NRG1: variants seen among roughly 807,000 people sequenced by gnomAD.
NRG1 encodes pro-neuregulin-1, membrane-bound isoform.
A neutral mutation model predicts 63.8 loss-of-function variants in NRG1; 18 were observed. That is an observed-to-expected ratio of 0.28 (90% confidence interval 0.19 to 0.42). The LOEUF is 0.42. NRG1 is among the 10% of genes least tolerant of loss of function. NRG1 has a pLI of 1.00. For missense variants in NRG1, 762 were observed against 814.7 expected (o/e 0.94, Z 0.79); for synonymous variants, 302 against 301.3 (o/e 1.00, Z -0.02).
chr8:32,385,316 C>T (rs1810873528), intron 1 of NRG1, among the ~76,000 whole-genome samples: 3 of 152,104 alleles, frequency 2.0e-5, no homozygotes, highest in South Asian at 2.1e-4. Flanking sequence ...TGAGCCACCG[C>T]GCCTGGCTGG....
intron 1 of NRG1, among the ~76,000 whole-genome samples, chr8:32,330,537 C>G (rs1802522352): frequency 6.6e-6 from 1 of 152,190 alleles, no homozygotes; most frequent in African/African-American, 2.4e-5. Context: ...CAGATCCTAC[C>G]AGCTCTAGAG....
intron 1 of NRG1, among the ~76,000 whole-genome samples, chr8:32,191,110 A>G (rs1842453654): frequency 6.7e-6 from 1 of 148,844 alleles, no homozygotes; most frequent in South Asian, 2.1e-4. Flanking sequence ...TTTGAGTTGG[A>G]GTCTCACTCT....
intron 1 of NRG1, among the ~76,000 whole-genome samples, chr8:32,225,146 G>A (rs1452582876): frequency 6.6e-6 from 1 of 152,140 alleles, no homozygotes; most frequent in Non-Finnish European, 1.5e-5. Context: ...CATCAACCAC[G>A]AAGTCTTTTT....
chr8:32,029,991 T>C (rs951108791), intron 1 of NRG1, among the ~76,000 whole-genome samples: 2 of 152,194 alleles, frequency 1.3e-5, no homozygotes, highest in African/African-American at 2.4e-5. Context: ...TCTCTTTATA[T>C]TCATTATAAC....
intron 1 of NRG1, among the ~76,000 whole-genome samples, chr8:32,593,049 A>G (rs539168129): frequency 2.6e-5 from 4 of 152,310 alleles, no homozygotes; most frequent in Admixed American, 2.0e-4. Flanking sequence ...GTGAAAGTGG[A>G]TCATTATAAA....
chr8:31,728,994 G>C (rs890831765), intron 1 of NRG1, among the ~76,000 whole-genome samples: 2 of 152,164 alleles, frequency 1.3e-5, no homozygotes, highest in African/African-American at 2.4e-5. Context: ...AGGGTCATCT[G>C]GTTCTGGGCT....
chr8:32,620,285 G>A (rs540053222), intron 5 of NRG1, among the ~76,000 whole-genome samples: 8 of 152,142 alleles, frequency 5.3e-5, no homozygotes, highest in African/African-American at 7.2e-5. Flanking sequence ...TGCCTGTACC[G>A]GCTACATTCT....
At chr8:32,226,925 A>G (rs1398164512) in intron 1 of NRG1, among the ~76,000 whole-genome samples, 1 of 152,198 alleles carries the variant, frequency 6.6e-6, no homozygotes. Flanking sequence ...ATCACAGTAT[A>G]GAGATAGAAT....
intron 1 of NRG1, among the ~76,000 whole-genome samples, chr8:31,985,075 TAAAC>T (rs1297303426): frequency 6.6e-6 from 1 of 152,200 alleles, no homozygotes. Context: ...AGAGAAGAAA[TAAAC>T]AATTATTAAT....
At chr8:32,492,121 A>T (rs1826657083) in intron 1 of NRG1, among the ~76,000 whole-genome samples, 1 of 152,172 alleles carries the variant, frequency 6.6e-6, no homozygotes, top group Non-Finnish European at 1.5e-5. Context: ...TACATTAAGA[A>T]AAAAAGAAAA....
chr8:31,643,782 A>G (rs189912526), intron 1 of NRG1, among the ~76,000 whole-genome samples: 88 of 152,328 alleles, frequency 5.8e-4, no homozygotes, highest in African/African-American at 2.0e-3. Context: ...TCATTGTTTG[A>G]TGTGCTACAC....
chr8:32,108,760 A>G (rs1831609356), intron 1 of NRG1, among the ~76,000 whole-genome samples: 1 of 152,246 alleles, frequency 6.6e-6, no homozygotes, highest in Non-Finnish European at 1.5e-5. Flanking sequence ...CTGAATTTCA[A>G]TAGCCACGGA....
At chr8:31,719,761 G>T (rs1382991890) in intron 1 of NRG1, among the ~76,000 whole-genome samples, 1 of 152,126 alleles carries the variant, frequency 6.6e-6, no homozygotes, top group Admixed American at 6.5e-5. Flanking sequence ...TGCATGACAT[G>T]TGTCAAGATA....
At chr8:32,358,971 TTTG>T (rs1382927755) in intron 1 of NRG1, among the ~76,000 whole-genome samples, 1 of 152,034 alleles carries the variant, frequency 6.6e-6, no homozygotes, top group African/African-American at 2.4e-5. Context: ...TAGGGTTTGT[TTTG>T]TTTTGTTTTG....
At chr8:32,592,019 G>A (rs972833361) in intron 1 of NRG1, among the ~76,000 whole-genome samples, 29 of 150,926 alleles carry the variant, frequency 1.9e-4, no homozygotes, top group African/African-American at 6.1e-4. Context: ...ACACACGTGC[G>A]TATTTAATGA....
At chr8:31,639,264 C>A in exon 1 of NRG1, 1 of 1,156,050 alleles carries the variant, frequency 8.7e-7, no homozygotes, top group Non-Finnish European at 1.2e-6. Flanking sequence ...CCGCAGCCCA[C>A]TCGGACTGCA....
intron 1 of NRG1, among the ~76,000 whole-genome samples, chr8:32,112,706 A>G (rs1832190281): frequency 6.6e-6 from 1 of 152,124 alleles, no homozygotes; most frequent in African/African-American, 2.4e-5. Flanking sequence ...TATTTTCTTC[A>G]TAGAAGTGGT....
chr8:32,200,072 C>T (rs992073555), intron 1 of NRG1, among the ~76,000 whole-genome samples: 2 of 152,204 alleles, frequency 1.3e-5, no homozygotes, highest in African/African-American at 4.8e-5. Context: ...AGCCACTGCA[C>T]CCGGCCTGTT....
chr8:32,245,853 C>A (rs989458840), intron 1 of NRG1, among the ~76,000 whole-genome samples: 8 of 152,110 alleles, frequency 5.3e-5, no homozygotes, highest in African/African-American at 1.9e-4. Context: ...CAAGAACTCA[C>A]CAACAGATTT....
Sources: gnomAD v4.1 joint callset for allele counts (sites outside exome capture counted in the v4.1 genomes callset) on GRCh38, gnomAD v4.1.1 for gene constraint, MANE v1.5 for transcripts, NCBI Gene and HGNC (gene_info 2026-07-23, HGNC 2026-07-21) for gene names.